Variants in DLGAP1 observed in about 807,000 individuals in gnomAD.
DLGAP1 encodes DLG associated protein 1.
Under a neutral mutation model 90.8 loss-of-function variants are expected in DLGAP1, and 11 were observed. The ratio of observed to expected loss-of-function variants is 0.12; its 90% CI spans 0.08 to 0.20. The LOEUF is 0.20. Among genes scored for constraint, DLGAP1 ranks in the 10% least tolerant of loss-of-function variants. The pLI, the probability that DLGAP1 is intolerant of heterozygous loss-of-function variation, is 1.00. For synonymous variants in DLGAP1, 558 were observed against 540.7 expected (o/e 1.03, Z -0.44); for missense variants, 1,050 against 1,333.8 (o/e 0.79, Z 3.31).
chr18:3,527,262 T>A (rs1477130475), intron 10 of DLGAP1, among the ~76,000 whole-genome samples: 1 of 152,168 alleles, frequency 6.6e-6, no homozygotes, highest in African/African-American at 2.4e-5. Context: ...CATAATGACA[T>A]CACAAAATAA....
intron 7 of DLGAP1, among the ~76,000 whole-genome samples, chr18:3,611,132 T>A (rs775324688): frequency 2.4e-4 from 35 of 145,510 alleles, no homozygotes; most frequent in Non-Finnish European, 4.6e-4. Context: ...ACCCTGTCTT[T>A]AAAAAAAAAA....
At chr18:3,884,126 T>G (rs2071250363) in intron 3 of DLGAP1, among the ~76,000 whole-genome samples, 1 of 152,250 alleles carries the variant, frequency 6.6e-6, no homozygotes, top group African/African-American at 2.4e-5. Context: ...TATGAAGTTA[T>G]GGTCCTAAAA....
At chr18:3,713,533 G>A (rs2061663364) in intron 7 of DLGAP1, among the ~76,000 whole-genome samples, 1 of 152,230 alleles carries the variant, frequency 6.6e-6, no homozygotes, top group Non-Finnish European at 1.5e-5. Context: ...TGTGCAAATT[G>A]CTGTTTGGGA....
chr18:4,071,239 T>G (rs202079105), intron 2 of DLGAP1, among the ~76,000 whole-genome samples: 1 of 5,128 alleles, frequency 2.0e-4, no homozygotes, highest in African/African-American at 6.3e-4. Flanking sequence ...AAGATATACA[T>G]GTGTGTGTGT....
chr18:4,390,138 T>A (rs956868823), intron 1 of DLGAP1, among the ~76,000 whole-genome samples: 3 of 149,050 alleles, frequency 2.0e-5, no homozygotes, highest in Non-Finnish European at 3.0e-5. Flanking sequence ...TATGTCCCCA[T>A]ACCATGTTGG....
intron 7 of DLGAP1, among the ~76,000 whole-genome samples, chr18:3,724,301 T>G (rs947999236): frequency 6.6e-6 from 1 of 152,144 alleles, no homozygotes; most frequent in African/African-American, 2.4e-5. Context: ...ACCACTGCAC[T>G]GCAGCCTGGG....
intron 1 of DLGAP1, among the ~76,000 whole-genome samples, chr18:4,230,323 T>C (rs748495355): frequency 6.6e-6 from 1 of 152,090 alleles, no homozygotes; most frequent in African/African-American, 2.4e-5. Flanking sequence ...CGAAGAGATA[T>C]CTGCACTCTG....
chr18:3,799,444 T>C (rs569486948), intron 5 of DLGAP1, among the ~76,000 whole-genome samples: 1 of 151,682 alleles, frequency 6.6e-6, no homozygotes, highest in African/African-American at 2.4e-5. Flanking sequence ...TTTCCAGTGG[T>C]ATTGAGGGTG....
At chr18:4,390,409 C>T (rs2082318126) in intron 1 of DLGAP1, among the ~76,000 whole-genome samples, 1 of 152,066 alleles carries the variant, frequency 6.6e-6, no homozygotes, top group Admixed American at 6.6e-5. Context: ...AGGGCTCATT[C>T]TCGGTGTTGC....
At chr18:4,131,195 G>T (rs60112050) in intron 2 of DLGAP1, among the ~76,000 whole-genome samples, 4,936 of 151,950 alleles carry the variant, frequency 0.032, 280 homozygotes, top group African/African-American at 0.11. Flanking sequence ...AAAAAACGTG[G>T]GCGTGTGTGT....
At chr18:3,862,931 G>T (rs2070169850) in intron 4 of DLGAP1, among the ~76,000 whole-genome samples, 1 of 152,224 alleles carries the variant, frequency 6.6e-6, no homozygotes, top group South Asian at 2.1e-4. Flanking sequence ...AAACTACCAG[G>T]CAATTTGGAC....
chr18:4,260,829 TACAA>T, intron 1 of DLGAP1, among the ~76,000 whole-genome samples: 1 of 152,158 alleles, frequency 6.6e-6, no homozygotes, highest in Admixed American at 6.5e-5. Flanking sequence ...AACTGGATAA[TACAA>T]ACAAATACAC....
chr18:3,984,021 G>C, intron 3 of DLGAP1: 1 of 151,960 alleles, frequency 6.6e-6, no homozygotes, highest in East Asian at 1.9e-4. Context: ...AGGCTCTTGG[G>C]GACAGATAAA....
chr18:4,347,416 T>C (rs751908551), intron 1 of DLGAP1, among the ~76,000 whole-genome samples: 5 of 152,088 alleles, frequency 3.3e-5, no homozygotes, highest in Admixed American at 6.5e-5. Context: ...TATAGACCTA[T>C]ATTGTCCATG....
chr18:4,178,730 C>T (rs1223271666), intron 1 of DLGAP1, among the ~76,000 whole-genome samples: 1 of 151,804 alleles, frequency 6.6e-6, no homozygotes, highest in Non-Finnish European at 1.5e-5. Context: ...GAGCTTTTTC[C>T]AAGAATCTTA....
At position 4,404,596 on chromosome 18, in the gene DLGAP1, A is replaced by G. The variant is rs1162337598; in HGVS notation, c.-267+50410T>C. The stretch of plus-strand genomic sequence containing the variant: ...CATACATTACTGGGAAATAGCTTTG[A>G]GGGTTAAAATAAATCTAATGAATTT... On this transcript the variant is annotated intron_variant, in intron 1 of 12. Coordinates refer to ENST00000315677, the MANE Select transcript of DLGAP1 (RefSeq NM_004746.4). Among the ~76,000 whole-genome samples the G allele has an allele frequency of 3.3e-5, 5 of 152,336 alleles. No homozygotes were observed. In the South Asian group the frequency reaches 6.2e-4, roughly 19 times the overall value.
chr18:3,782,407 G>A (rs2065243127), intron 5 of DLGAP1, among the ~76,000 whole-genome samples: 1 of 152,248 alleles, frequency 6.6e-6, no homozygotes, highest in East Asian at 1.9e-4. Context: ...AAAGTGTTGG[G>A]ATTACAGGCG....
intron 1 of DLGAP1, among the ~76,000 whole-genome samples, chr18:4,381,082 T>TGG (rs1272427830): frequency 2.0e-5 from 3 of 146,498 alleles, no homozygotes; most frequent in African/African-American, 8.0e-5. Context: ...ACCCAGGTGG[T>TGG]TAACACTATA....
At chr18:3,731,596 A>C (rs1302581817) in intron 6 of DLGAP1, among the ~76,000 whole-genome samples, 3 of 145,264 alleles carry the variant, frequency 2.1e-5, no homozygotes, top group African/African-American at 7.7e-5. Context: ...TTGGAGAGAC[A>C]GGGTTTCCCC....
Sources: gnomAD v4.1 joint callset for allele counts (sites outside exome capture counted in the v4.1 genomes callset) on GRCh38, gnomAD v4.1.1 for gene constraint, MANE v1.5 for transcripts, NCBI Gene and HGNC (gene_info 2026-07-23, HGNC 2026-07-21) for gene names.